ZNF568: variants seen among roughly 807,000 people sequenced by gnomAD.
The protein encoded by ZNF568 is p53 inhibitor of SCO2 activation.
A neutral mutation model predicts 18.1 loss-of-function variants in ZNF568; 11 were observed. That is an observed-to-expected ratio of 0.61 (90% CI 0.38 to 1.00). The LOEUF (loss-of-function observed/expected upper bound fraction) is 1.00. Among genes scored for constraint, ZNF568 ranks in the 50% least tolerant of loss-of-function variants. The pLI, the probability that ZNF568 is intolerant of heterozygous loss-of-function variation, is 0.01. For missense variants in ZNF568, 639 were observed against 768.2 expected, an observed-to-expected ratio of 0.83 and a Z score of 1.99; for synonymous variants, 213 against 246.6, an observed-to-expected ratio of 0.86 and a Z score of 1.28.
chr19:36,943,463 A>G (rs2073915948), intron 6 of ZNF568, among the ~76,000 whole-genome samples: 1 of 152,220 alleles, frequency 6.6e-6, no homozygotes, highest in Non-Finnish European at 1.5e-5. Flanking sequence ...AGCTTTTAGA[A>G]TAATGATTGG....
intron 7 of ZNF568, among the ~76,000 whole-genome samples, chr19:36,975,400 G>C (rs1188277473): frequency 6.7e-6 from 1 of 149,868 alleles, no homozygotes; most frequent in Admixed American, 6.7e-5. Flanking sequence ...GCCCGCCTAG[G>C]CCTCCCAATG....
At chr19:36,927,887 T>TATATATA (rs1491142078) in intron 4 of ZNF568, among the ~76,000 whole-genome samples, 6 of 39,038 alleles carry the variant, frequency 1.5e-4, no homozygotes, top group Non-Finnish European at 1.6e-4. Flanking sequence ...TATATATATA[T>TATATATA]TATATATATA....
chr19:36,991,648 T>C, intron 3 of ZNF568: 1 of 902,534 alleles, frequency 1.1e-6, no homozygotes, highest in Non-Finnish European at 1.6e-6. Context: ...CCTCACTCCT[T>C]CTTCTGACCC....
At chr19:36,961,880 G>GT (rs11403152) in intron 6 of ZNF568, among the ~76,000 whole-genome samples, 91,125 of 134,882 alleles carry the variant, frequency 0.68, 31,298 homozygotes, top group South Asian at 0.83. Context: ...TGGTTAGGGT[G>GT]TTTTTTTTTT....
Position 36,932,287 on chromosome 19 carries a change from T to A in ZNF568, c.136-4459T>A, listed in dbSNP as rs191961851. Among the ~76,000 whole-genome samples the A allele has an allele frequency of 2.1e-4, 32 of 152,294 alleles. No individual in the cohort carries two copies. In the East Asian group the frequency reaches 5.8e-3, roughly 28 times the overall value. On this transcript the variant is annotated intron_variant, in intron 4 of 6. Coordinates refer to ENST00000333987, the MANE Select transcript of ZNF568 (RefSeq NM_198539.4). ...TATGGCAACTCTATGCTTAACCTTTTAAAGAATTGCCCCACTGTTAGCCGA... is the reference window on the plus strand; with the variant it reads ...TATGGCAACTCTATGCTTAACCTTTAAAAGAATTGCCCCACTGTTAGCCGA...
intron 6 of ZNF568, among the ~76,000 whole-genome samples, chr19:36,962,752 C>G (rs1250265425): frequency 6.6e-6 from 1 of 152,054 alleles, no homozygotes; most frequent in Non-Finnish European, 1.5e-5. Context: ...CTTGATGTAG[C>G]ATTCTTGGCT....
Position 36,930,399 on chromosome 19 carries a change from T to C in ZNF568, c.135+5141T>C, listed in dbSNP as rs1025013349. Among the ~76,000 whole-genome samples the C allele has an allele frequency of 4.0e-5, 6 of 151,822 alleles. No individual in the cohort carries two copies. In the South Asian group the frequency reaches 6.2e-4, roughly 16 times the overall value. On this transcript the variant is annotated intron_variant, in intron 4 of 6. Transcript: ENST00000333987. The stretch of plus-strand genomic sequence containing the variant: ...TAATTTTTTGTATCTTTAGTAGAGA[T>C]GGGGTTTCACCATGTTAGCCAGGAT...
intron 3 of ZNF568, chr19:36,991,714 C>T: frequency 1.3e-6 from 2 of 1,493,906 alleles, no homozygotes; most frequent in Non-Finnish European, 1.8e-6. Context: ...AATTCTGACA[C>T]CCACAACAAA....
downstream of ZNF568, chr19:36,997,380 T>C (rs756954190): frequency 1.3e-6 from 2 of 1,593,218 alleles, no homozygotes; most frequent in Non-Finnish European, 1.7e-6. Context: ...AAAAACCCTA[T>C]GAGTGTAAGG....
chr19:36,945,708 G>A (rs1295794381), intron 6 of ZNF568, among the ~76,000 whole-genome samples: 1 of 149,738 alleles, frequency 6.7e-6, no homozygotes, highest in East Asian at 2.0e-4. Flanking sequence ...GCGTGTATAT[G>A]TACTATATAT....
At chr19:36,983,964 TC>T (rs2074353705), downstream of ZNF568, among the ~76,000 whole-genome samples, 3 of 144,926 alleles carry the variant, frequency 2.1e-5, no homozygotes, top group Admixed American at 2.2e-4. Flanking sequence ...AGTGGTGCGA[TC>T]CCGGCTCACT....
intron 4 of ZNF568, among the ~76,000 whole-genome samples, chr19:36,993,706 C>T (rs1489926527): frequency 2.0e-5 from 3 of 151,980 alleles, no homozygotes; most frequent in African/African-American, 7.2e-5. Flanking sequence ...GTAGGAGTTC[C>T]TTATAACCCT....
At chr19:36,997,328 G>A (rs557972027), downstream of ZNF568, 194 of 1,600,716 alleles carry the variant, frequency 1.2e-4, 1 homozygote, top group African/African-American at 2.0e-3. Context: ...TCCTTTCGTC[G>A]TGGCTCAGAA....
chr19:36,959,839 G>A (rs1468052654), intron 6 of ZNF568, among the ~76,000 whole-genome samples: 1 of 151,902 alleles, frequency 6.6e-6, no homozygotes, highest in Admixed American at 6.6e-5. Flanking sequence ...TGTAGTATCA[G>A]TTGTAATGTC....
chr19:36,953,514 C>G (rs1475417953), downstream of ZNF568, among the ~76,000 whole-genome samples: 1 of 152,176 alleles, frequency 6.6e-6, no homozygotes, highest in African/African-American at 2.4e-5. Flanking sequence ...GTCTCATTCT[C>G]TGTAATAATA....
intron 2 of ZNF568, among the ~76,000 whole-genome samples, chr19:36,920,962 A>C (rs1355091147): frequency 6.8e-6 from 1 of 147,572 alleles, no homozygotes; most frequent in Non-Finnish European, 1.5e-5. Flanking sequence ...TACAGTATTC[A>C]GTACAGTAAC....
chr19:36,972,794 T>C (rs1279258133), intron 6 of ZNF568, among the ~76,000 whole-genome samples: 2 of 152,316 alleles, frequency 1.3e-5, no homozygotes, highest in East Asian at 3.9e-4. Context: ...TGAGAGGCCT[T>C]TGGGCACACA....
intron 4 of ZNF568, among the ~76,000 whole-genome samples, chr19:36,929,726 A>G (rs1198932058): frequency 6.6e-6 from 1 of 151,100 alleles, no homozygotes; most frequent in Non-Finnish European, 1.5e-5. Context: ...GGTGGCTCAC[A>G]TGTGTAGTCC....
At chr19:36,936,281 A>G (rs1322026369) in intron 4 of ZNF568, among the ~76,000 whole-genome samples, 1 of 152,172 alleles carries the variant, frequency 6.6e-6, no homozygotes, top group African/African-American at 2.4e-5. Flanking sequence ...GACTCAACCC[A>G]TTATTATAAT....
Sources: allele counts gnomAD v4.1 joint callset (sites outside exome capture counted in the v4.1 genomes callset), GRCh38; gene constraint gnomAD v4.1.1; transcripts MANE v1.5; gene names NCBI Gene and HGNC (gene_info 2026-07-23, HGNC 2026-07-21).